Variants in CACNB2 observed in about 807,000 individuals in gnomAD.
CACNB2 encodes the protein voltage-dependent L-type calcium channel subunit beta-2.
CACNB2 carries 42 observed loss-of-function variants against 73.3 expected under a neutral mutation model. The observed-to-expected ratio is 0.57, with a 90% confidence interval of 0.45 to 0.74. The LOEUF is 0.74. CACNB2 is among the 30% of genes least tolerant of loss of function. The pLI is 0.00. For synonymous variants in CACNB2, 348 were observed against 310.3 expected (o/e 1.12, Z -1.28); for missense variants, 940 against 853.0 (o/e 1.10, Z -1.27).
At chr10:18,530,596 T>C (rs969878434) in intron 10 of CACNB2, among the ~76,000 whole-genome samples, 1 of 151,350 alleles carries the variant, frequency 6.6e-6, no homozygotes, top group Non-Finnish European at 1.5e-5. Context: ...GAGTATATCA[T>C]GTAATGTATT....
chr10:18,346,950 C>T (rs1012071823), intron 2 of CACNB2, among the ~76,000 whole-genome samples: 3 of 152,132 alleles, frequency 2.0e-5, no homozygotes, highest in Admixed American at 6.5e-5. Flanking sequence ...CGTGAAATCA[C>T]ATCTAAGATC....
intron 3 of CACNB2, among the ~76,000 whole-genome samples, chr10:18,436,361 C>T (rs1042006642): frequency 3.9e-5 from 6 of 152,118 alleles, no homozygotes; most frequent in Admixed American, 1.3e-4. Flanking sequence ...TGAGCCTTCT[C>T]GGATAGTCTG....
At chr10:18,373,284 G>T (rs2042663999) in intron 2 of CACNB2, among the ~76,000 whole-genome samples, 1 of 152,018 alleles carries the variant, frequency 6.6e-6, no homozygotes, top group Non-Finnish European at 1.5e-5. Context: ...TGAAATCCAG[G>T]CACTGCTTTC....
intron 5 of CACNB2, among the ~76,000 whole-genome samples, chr10:18,501,639 C>G (rs978638451): frequency 6.6e-6 from 1 of 152,240 alleles, no homozygotes; most frequent in African/African-American, 2.4e-5. Flanking sequence ...ACGCAGCATG[C>G]CTCTCCCAAT....
chr10:18,510,923 G>A (rs368969727), intron 6 of CACNB2, among the ~76,000 whole-genome samples: 2 of 152,260 alleles, frequency 1.3e-5, no homozygotes, highest in African/African-American at 2.4e-5. Flanking sequence ...CCAGGAAAGC[G>A]CTGACAACAT....
chr10:18,207,942 T>C (rs868811063), intron 2 of CACNB2, among the ~76,000 whole-genome samples: 1 of 152,274 alleles, frequency 6.6e-6, no homozygotes, highest in Non-Finnish European at 1.5e-5. Context: ...AGTTTTGATG[T>C]AGAATTCTGC....
chr10:18,519,009 A>T, intron 9 of CACNB2, 41 bp downstream of exon 9: 1 of 1,563,412 alleles, frequency 6.4e-7, no homozygotes, highest in Non-Finnish European at 8.8e-7. Context: ...ATTTTGTCTT[A>T]AAGATGGCAA....
chr10:18,539,581 C>G lies in CACNB2; in HGVS notation c.1840C>G (p.Arg614Gly). Residue 614 changes from arginine (R) to glycine (G), a missense_variant, in exon 14 of 14, where the codon CGA becomes GGA. Physicochemically the swap from Arg to Gly is moderately radical, Grantham distance 125. Coordinates refer to ENST00000324631, the MANE Select transcript of CACNB2 (RefSeq NM_201596.3). ...ESRHRSRDVD[R>G]EQDHNECNKQ... Reference sequence around the variant, plus strand: ...CCGGCACCGTTCCCGGGACGTGGATCGAGAGCAGGACCACAACGAGTGCAA... The same window carrying G: ...CCGGCACCGTTCCCGGGACGTGGATGGAGAGCAGGACCACAACGAGTGCAA... 2 of 1,613,628 alleles carry G rather than the reference C, an allele frequency of 1.2e-6. No homozygotes were observed. The highest frequency in any genetic ancestry group is 1.7e-6 in the Non-Finnish European group (2 of 1,179,942).
intron 13 of CACNB2, among the ~76,000 whole-genome samples, chr10:18,539,022 C>G (rs555785761): frequency 6.6e-6 from 1 of 151,298 alleles, no homozygotes; most frequent in Admixed American, 6.6e-5. Context: ...GGGCACTGTT[C>G]TAGGCACTTA....
chr10:18,535,599 C>G lies in CACNB2; in HGVS notation c.1207-502C>G, dbSNP rs370117159. 2.0e-4 allele frequency among the ~76,000 whole-genome samples: 30 copies of G among 151,938 alleles called. No individual in the cohort carries two copies. The South Asian group carries it at 3.1e-3, about 16-fold the overall frequency. ...CATCCTGGCTAACACAGTGAAACCC[C>G]GTCTCTACTAAAAATACAAAAAAAT... On this transcript the variant is annotated intron_variant, in intron 11 of 13. Transcript: ENST00000324631.
chr10:18,238,771 A>C (rs570744550), intron 2 of CACNB2, among the ~76,000 whole-genome samples: 1 of 152,228 alleles, frequency 6.6e-6, no homozygotes, highest in Admixed American at 6.5e-5. Flanking sequence ...TTAAAAAACA[A>C]TGTGGAAAAT....
rs1060504916 is a variant in CACNB2, at chr10:18,340,965, C to T, written c.214-60959C>T. On this transcript the variant is annotated intron_variant, in intron 2 of 13. Coordinates refer to ENST00000324631, the MANE Select transcript of CACNB2 (RefSeq NM_201596.3). ...GCCTTATAGCTCCTCAAACTAAATA[C>T]ATTATTCCTGGGGTAAGCATACGGG... 1.9e-6 allele frequency: 3 copies of T among 1,613,988 alleles called. No homozygotes were observed. The highest frequency in any genetic ancestry group is 2.5e-6 in the Non-Finnish European group (3 of 1,180,010).
At chr10:18,499,950 G>A (rs916439288) in intron 4 of CACNB2, among the ~76,000 whole-genome samples, 20 of 152,180 alleles carry the variant, frequency 1.3e-4, no homozygotes, top group South Asian at 4.2e-4. Flanking sequence ...CAGCCTGGGC[G>A]ACAGAGCAAG....
chr10:18,366,197 G>A (rs980219146), intron 2 of CACNB2, among the ~76,000 whole-genome samples: 1 of 152,208 alleles, frequency 6.6e-6, no homozygotes, highest in Admixed American at 6.5e-5. Context: ...TGAGGGCGGT[G>A]GCTCACGCCT....
chr10:18,161,648 A>T (rs1297337038), intron 2 of CACNB2, among the ~76,000 whole-genome samples: 1 of 150,798 alleles, frequency 6.6e-6, no homozygotes, highest in Non-Finnish European at 1.5e-5. Context: ...TTTTTATAAC[A>T]ACTGCCCCTT....
intron 2 of CACNB2, among the ~76,000 whole-genome samples, chr10:18,228,819 A>G (rs2036117395): frequency 6.6e-6 from 1 of 152,112 alleles, no homozygotes; most frequent in Non-Finnish European, 1.5e-5. Context: ...AGCTCGCTGC[A>G]GCCTCTGCCT....
intron 2 of CACNB2, among the ~76,000 whole-genome samples, chr10:18,358,497 G>GCTCTCTCTCTCTCTCTCTCTCTCT (rs59205683): frequency 4.8e-5 from 5 of 104,334 alleles, no homozygotes; most frequent in Admixed American, 1.1e-4. Flanking sequence ...TAATGAGCAC[G>GCTCTCTCTCTCTCTCTCTCTCTCT]CTCTCTCTCT....
At chr10:18,421,679 C>T (rs958901281) in intron 3 of CACNB2, among the ~76,000 whole-genome samples, 29 of 152,096 alleles carry the variant, frequency 1.9e-4, no homozygotes. Flanking sequence ...TGATATGAAT[C>T]TGTGAGCCTT....
intron 2 of CACNB2, among the ~76,000 whole-genome samples, chr10:18,326,531 A>C (rs979084362): frequency 6.6e-6 from 1 of 152,224 alleles, no homozygotes; most frequent in Non-Finnish European, 1.5e-5. Context: ...CAGAACTGCT[A>C]TGCCCTCTGA....
Sources: allele counts gnomAD v4.1 joint callset (sites outside exome capture counted in the v4.1 genomes callset), GRCh38; gene constraint gnomAD v4.1.1; transcripts MANE v1.5; gene names NCBI Gene and HGNC (gene_info 2026-07-23, HGNC 2026-07-21).